UBE3D: variants seen among roughly 807,000 people sequenced by gnomAD.
The protein encoded by UBE3D is ubiquitin protein ligase E3D, also known as E3 ubiquitin-protein ligase E3D.
UBE3D carries 48 observed loss-of-function variants against 49.6 expected under a neutral mutation model. That is an observed-to-expected ratio of 0.97 (90% confidence interval 0.77 to 1.23). The LOEUF is 1.23. UBE3D is among the 50% of genes most tolerant of loss of function. The pLI is 0.00. For missense variants in UBE3D, 452 were observed against 468.4 expected (o/e 0.96, Z 0.32); for synonymous variants, 189 against 174.2 (o/e 1.08, Z -0.67).
chr6:83,065,002 A>G (rs749794243), intron 1 of UBE3D, among the ~76,000 whole-genome samples: 27 of 152,362 alleles, frequency 1.8e-4, no homozygotes, highest in Non-Finnish European at 3.4e-4. Context: ...TGTCAAACAA[A>G]ATAGAGAACA....
intron 9 of UBE3D, among the ~76,000 whole-genome samples, chr6:82,948,561 AAAAAG>A (rs1775566212): frequency 6.6e-6 from 1 of 152,108 alleles, no homozygotes; most frequent in Non-Finnish European, 1.5e-5. Context: ...GACACATTAA[AAAAAG>A]AAAACTACAA....
At chr6:83,064,073 T>C (rs760622448) in intron 1 of UBE3D, among the ~76,000 whole-genome samples, 14 of 152,204 alleles carry the variant, frequency 9.2e-5, no homozygotes, top group Non-Finnish European at 1.9e-4. Context: ...ACTACTGATA[T>C]ATGCAGCCAC....
intron 8 of UBE3D, among the ~76,000 whole-genome samples, chr6:82,999,687 C>G (rs1554200279): frequency 3.9e-5 from 6 of 151,998 alleles, no homozygotes; most frequent in Non-Finnish European, 8.8e-5. Flanking sequence ...ACCCAGCCCC[C>G]TGTTGGCTTT....
At chr6:83,063,412 T>TAAAAAAAAAAAA (rs201669450) in intron 1 of UBE3D, among the ~76,000 whole-genome samples, 67 of 45,434 alleles carry the variant, frequency 1.5e-3, no homozygotes, top group African/African-American at 1.8e-3. Flanking sequence ...AGACGCTGTC[T>TAAAAAAAAAAAA]AAAAAAAAAA....
At position 83,059,809 on chromosome 6, in the gene UBE3D, T is replaced by C. The variant is rs573250015; in HGVS notation, c.78-1787A>G. Among the ~76,000 whole-genome samples the C allele has an allele frequency of 2.0e-5, 3 of 151,740 alleles. No individual in the cohort carries two copies. The South Asian group carries it at 6.3e-4, about 32-fold the overall frequency. On this transcript the variant is annotated intron_variant, in intron 1 of 9. Transcript: ENST00000369747. ...AGGGTGGTGACACAGTGGCCCAGCA[T>C]GGATATGAGAAACCAAGCAGGCTGT...
At chr6:82,917,426 C>T (rs1773000930) in intron 9 of UBE3D, among the ~76,000 whole-genome samples, 1 of 152,082 alleles carries the variant, frequency 6.6e-6, no homozygotes, top group East Asian at 1.9e-4. Flanking sequence ...TCTCGGACAT[C>T]CCTTAAGATG....
At position 82,940,940 on chromosome 6, in the gene UBE3D, C is replaced by T. The variant is rs547251170; in HGVS notation, c.1149+16372G>A. Among the ~76,000 whole-genome samples the T allele has an allele frequency of 4.6e-5, 7 of 152,268 alleles. No homozygotes were observed. The South Asian group carries it at 6.2e-4, about 14-fold the overall frequency. On this transcript the variant is annotated intron_variant, in intron 9 of 9. Coordinates refer to ENST00000369747, the MANE Select transcript of UBE3D (RefSeq NM_198920.3). ...AGAATTACTCTAAAATGGCCGTGCA[C>T]GGTGCTTCACACCTGTAATCGCAGC...
chr6:82,956,879 G>A (rs1776193064), intron 9 of UBE3D, among the ~76,000 whole-genome samples: 2 of 152,196 alleles, frequency 1.3e-5, no homozygotes, highest in Non-Finnish European at 2.9e-5. Flanking sequence ...AGTAATCCCA[G>A]CACTTTGGGA....
At chr6:83,043,656 A>G (rs947907643) in intron 4 of UBE3D, among the ~76,000 whole-genome samples, 1 of 152,222 alleles carries the variant, frequency 6.6e-6, no homozygotes, top group African/African-American at 2.4e-5. Flanking sequence ...TGAGTTCTGA[A>G]TGAAATTTAA....
intron 5 of UBE3D, among the ~76,000 whole-genome samples, chr6:83,026,964 T>C (rs933155172): frequency 2.6e-5 from 4 of 152,166 alleles, no homozygotes; most frequent in African/African-American, 9.7e-5. Flanking sequence ...TCATGTGTTG[T>C]TAATCTAAAA....
At chr6:83,014,504 A>G (rs191795009) in intron 8 of UBE3D, among the ~76,000 whole-genome samples, 9 of 152,268 alleles carry the variant, frequency 5.9e-5, no homozygotes, top group Non-Finnish European at 1.2e-4. Flanking sequence ...TAGGGACCCA[A>G]TGGACCCACT....
intron 8 of UBE3D, among the ~76,000 whole-genome samples, chr6:82,998,873 G>T (rs892285437): frequency 1.3e-5 from 2 of 152,124 alleles, no homozygotes; most frequent in African/African-American, 4.8e-5. Context: ...TCAACTGTCC[G>T]CTTTCTCTGT....
At chr6:82,978,852 A>T (rs1280276485) in intron 8 of UBE3D, among the ~76,000 whole-genome samples, 1 of 152,180 alleles carries the variant, frequency 6.6e-6, no homozygotes, top group Non-Finnish European at 1.5e-5. Context: ...ATGCAAAAAC[A>T]TATTTTGTAC....
chr6:83,045,444 T>G (rs1282780089), intron 3 of UBE3D, among the ~76,000 whole-genome samples: 1 of 152,208 alleles, frequency 6.6e-6, no homozygotes, highest in African/African-American at 2.4e-5. Flanking sequence ...TGAATTGTGA[T>G]TAGTGACTAT....
At chr6:82,907,115 G>C (rs373966521) in intron 9 of UBE3D, among the ~76,000 whole-genome samples, 10 of 152,098 alleles carry the variant, frequency 6.6e-5, no homozygotes, top group Non-Finnish European at 1.5e-4. Flanking sequence ...CCAGAAAAAG[G>C]CTCACCACAA....
chr6:82,903,030 T>C (rs1159764544), intron 9 of UBE3D, among the ~76,000 whole-genome samples: 1 of 151,532 alleles, frequency 6.6e-6, no homozygotes, highest in Non-Finnish European at 1.5e-5. Context: ...TCACATTCAT[T>C]CCATCATAAA....
chr6:82,884,810 G>A, the UBE3D span, among the ~76,000 whole-genome samples: 55 of 152,198 alleles, frequency 3.6e-4, no homozygotes, highest in African/African-American at 1.3e-3. Context: ...GGTTCACCAG[G>A]GAAGATGATT....
chr6:83,034,441 T>G (rs149353382), intron 5 of UBE3D, among the ~76,000 whole-genome samples: 1 of 152,264 alleles, frequency 6.6e-6, no homozygotes, highest in Non-Finnish European at 1.5e-5. Context: ...TGAAATGGTT[T>G]GTCTCGAGAT....
intron 9 of UBE3D, among the ~76,000 whole-genome samples, chr6:82,951,037 C>G (rs1775757731): frequency 6.6e-6 from 1 of 151,546 alleles, no homozygotes; most frequent in African/African-American, 2.4e-5. Context: ...CTAATATTTG[C>G]TAGCACAACA....
Sources: gnomAD v4.1 joint callset for allele counts (sites outside exome capture counted in the v4.1 genomes callset) on GRCh38, gnomAD v4.1.1 for gene constraint, MANE v1.5 for transcripts, NCBI Gene and HGNC (gene_info 2026-07-23, HGNC 2026-07-21) for gene names.